Variants in MPP4 observed in about 807,000 individuals in gnomAD.
The protein encoded by MPP4 is MAGUK p55 subfamily member 4.
Under a neutral mutation model 98.3 loss-of-function variants are expected in MPP4, and 91 were observed. That is an observed-to-expected ratio of 0.93 (90% CI 0.78 to 1.10). The LOEUF (loss-of-function observed/expected upper bound fraction) is 1.10, where lower values mean the gene tolerates loss of function less well. MPP4 is among the 50% of genes least tolerant of loss of function. The probability of loss-of-function intolerance (pLI) is 0.00; values close to 1 mark genes in which losing one functional copy is unlikely to be tolerated. For missense variants in MPP4, 744 were observed against 792.9 expected, an observed-to-expected ratio of 0.94 and a Z score of 0.74; for synonymous variants, 261 against 271.8, an observed-to-expected ratio of 0.96 and a Z score of 0.39.
intron 18 of MPP4, chr2:201,651,779 C>T: frequency 4.6e-6 from 2 of 430,716 alleles, no homozygotes; most frequent in Non-Finnish European, 6.2e-6. Context: ...CATGGTGAAA[C>T]CCCATCTCTA....
chr2:201,681,191 G>A (rs948470736), intron 9 of MPP4, among the ~76,000 whole-genome samples, 157 bp from the exon 10 acceptor site: 2 of 152,204 alleles, frequency 1.3e-5, no homozygotes, highest in Admixed American at 1.3e-4. Flanking sequence ...AGGAGAACTC[G>A]CCTCCTGAGC....
chr2:201,687,371 C>T lies in MPP4; in HGVS notation c.280G>A (p.Val94Ile). The T allele has an allele frequency of 3.2e-6, 5 of 1,571,710 alleles. No homozygotes were observed. The highest frequency in any genetic ancestry group is 4.3e-6 in the Non-Finnish European group (5 of 1,156,700). ...GGGGTTTCACGTAATAACTCCACTA[C>T]CTGGTTCATGGAAAAGGATACATTA... ...TPHAQVLSYE[V>I]VELLRETPTS... The change falls in exon 5 of 22, where the codon GTA (valine) becomes ATA (isoleucine). Residue 94 changes from valine (V) to isoleucine (I), a missense_variant and splice_region_variant. Physicochemically the swap from Val to Ile is conservative, Grantham distance 29 (BLOSUM62 3). Transcript: ENST00000409474.
intron 2 of MPP4, 54 bp downstream of exon 2, chr2:201,693,820 CAT>C: frequency 8.8e-6 from 14 of 1,588,874 alleles, no homozygotes; most frequent in East Asian, 2.2e-5. Context: ...CATTTGATCA[CAT>C]GTCAGAGGTG....
Position 201,681,514 on chromosome 2 carries a change from A to G in MPP4, c.714T>C (p.Pro238=), listed in dbSNP as rs755923249. 7 of 1,613,734 alleles carry G rather than the reference A, an allele frequency of 4.3e-6. No homozygotes were observed. In the South Asian group the frequency reaches 5.5e-5, roughly 13 times the overall value. The change falls in exon 9 of 22, where the codon CCT becomes CCC. Residue 238 remains proline, a synonymous_variant. Coordinates refer to ENST00000409474, the MANE Select transcript of MPP4 (RefSeq NM_033066.3). ...MFKVVPVSDP[P]VNSQQMVYVR... ...TTCTTACCATCTGCTGGCTATTCAC[A>G]GGAGGGTCAGAGACTGGAACCACCT...
chr2:201,662,962 C>T (rs1167758070), intron 14 of MPP4, among the ~76,000 whole-genome samples: 1 of 152,130 alleles, frequency 6.6e-6, no homozygotes, highest in African/African-American at 2.4e-5. Context: ...GGGACAGACA[C>T]TTGATACCAT....
intron 14 of MPP4, among the ~76,000 whole-genome samples, chr2:201,663,230 C>T (rs929639832): frequency 5.3e-5 from 8 of 152,148 alleles, no homozygotes; most frequent in South Asian, 4.1e-4. Context: ...ATATTTGTAA[C>T]GAGTTTTGTC....
intron 11 of MPP4, among the ~76,000 whole-genome samples, chr2:201,671,871 G>T (rs1056131826): frequency 3.3e-5 from 5 of 152,064 alleles, no homozygotes; most frequent in Non-Finnish European, 7.4e-5. Context: ...GGATATTCAG[G>T]ACTTGAACTC....
intron 3 of MPP4, among the ~76,000 whole-genome samples, chr2:201,690,663 C>T (rs1688990310): frequency 1.1e-4 from 16 of 152,160 alleles, no homozygotes; most frequent in Admixed American, 1.0e-3. Context: ...GGACCAGACA[C>T]CTGTGAGGAC....
chr2:201,647,765 TCG>T lies in MPP4; in HGVS notation c.1643_1644del (p.Ser548Ter), dbSNP rs771038395. On this transcript the variant is annotated frameshift_variant, in exon 21 of 22. Transcript: ENST00000409474. LOFTEE classifies it high-confidence loss of function. ...CGAGATTGTTTCATACACCTCATAT[TCG>T]ATGGCTTTATAAATATGACATAGGG... Reference protein sequence around the residue: ...LKPYVIFIKPSNMRCMKQSRK... With the variant: ...LKPYVIFIKPXNMRCMKQSRK... The T allele has an allele frequency of 6.2e-7, 1 of 1,614,002 alleles. No homozygotes were observed. The highest frequency in any genetic ancestry group is 8.5e-7 in the Non-Finnish European group (1 of 1,179,852).
At chr2:201,675,823 C>T (rs541097621) in intron 10 of MPP4, among the ~76,000 whole-genome samples, 1 of 152,324 alleles carries the variant, frequency 6.6e-6, no homozygotes, top group African/African-American at 2.4e-5. Flanking sequence ...TTTTCCTTGC[C>T]TTGCCTACTT....
chr2:201,664,829 C>A (rs1363417867), intron 13 of MPP4, among the ~76,000 whole-genome samples: 2 of 151,990 alleles, frequency 1.3e-5, no homozygotes, highest in African/African-American at 4.8e-5. Flanking sequence ...GGACATAACA[C>A]AATGCCTACA....
intron 2 of MPP4, 50 bp from the exon 3 acceptor site, chr2:201,693,079 T>C: frequency 6.3e-7 from 1 of 1,579,922 alleles, no homozygotes. Context: ...GGTGTAAATG[T>C]GAAAGGCAAC....
chr2:201,663,921 T>G (rs1688093413), intron 14 of MPP4, among the ~76,000 whole-genome samples, 160 bp downstream of exon 14: 1 of 152,182 alleles, frequency 6.6e-6, no homozygotes, highest in Non-Finnish European at 1.5e-5. Flanking sequence ...TTTTATAATG[T>G]ATATTTGAGG....
Position 201,649,728 on chromosome 2 carries a change from A to G in MPP4, c.1476-44T>C, listed in dbSNP as rs181301223. ...CAAAACAGAACACTTTCTACAAGGA[A>G]AATATTATTAGTAGTAACATGAGGA... On this transcript the variant is annotated intron_variant, in intron 19 of 21. Transcript: ENST00000409474. The G allele has an allele frequency of 5.0e-4, 662 of 1,317,204 alleles. 1 individual carries two copies. In the African/African-American group the frequency reaches 8.4e-3, roughly 17 times the overall value. 81.6% of individuals were successfully genotyped at this position (1,317,204 alleles called of 1,614,324 possible). A position where few individuals can be genotyped will look rare whatever the true frequency, so the allele number is the denominator to read the frequency against.
chr2:201,675,845 T>C (rs1688493409), intron 10 of MPP4, among the ~76,000 whole-genome samples: 1 of 152,198 alleles, frequency 6.6e-6, no homozygotes, highest in South Asian at 2.1e-4. Context: ...AAAGCAACTT[T>C]CTAAGCAAAG....
intron 7 of MPP4, 27 bp from the exon 8 acceptor site, chr2:201,682,943 GA>G: frequency 6.3e-7 from 1 of 1,583,366 alleles, no homozygotes; most frequent in Non-Finnish European, 8.7e-7. Context: ...AAAAAACAAA[GA>G]AAGATACAAA....
chr2:201,661,093 G>A (rs1050364877), intron 14 of MPP4, among the ~76,000 whole-genome samples: 3 of 151,948 alleles, frequency 2.0e-5, no homozygotes, highest in Non-Finnish European at 2.9e-5. Context: ...GCTAATTTTT[G>A]TATTTTTAGT....
intron 21 of MPP4, among the ~76,000 whole-genome samples, chr2:201,645,836 AATT>A (rs1687546748): frequency 6.6e-6 from 1 of 152,190 alleles, no homozygotes; most frequent in Admixed American, 6.5e-5. Context: ...GAGAAAATAT[AATT>A]ATTATAACAG....
intron 7 of MPP4, 109 bp downstream of exon 7, chr2:201,684,955 A>C: frequency 1.1e-6 from 1 of 881,348 alleles, no homozygotes; most frequent in Non-Finnish European, 1.6e-6. Context: ...CTCAAAAAAA[A>C]AAAAAGAAAA....
Sources: allele counts gnomAD v4.1 joint callset (sites outside exome capture counted in the v4.1 genomes callset), GRCh38; gene constraint gnomAD v4.1.1; transcripts MANE v1.5; gene names NCBI Gene and HGNC (gene_info 2026-07-23, HGNC 2026-07-21).